CORIN: variants seen among roughly 807,000 people sequenced by gnomAD.
The protein encoded by CORIN is corin, serine peptidase.
Under a neutral mutation model 125.3 loss-of-function variants are expected in CORIN, and 117 were observed. That is an observed-to-expected ratio of 0.93 (90% CI 0.80 to 1.09). The LOEUF is 1.09. Ranked by LOEUF, CORIN falls within the 50% of genes least tolerant of loss-of-function variation. The pLI is 0.00. For missense variants in CORIN, 1,253 were observed against 1,306.7 expected (o/e 0.96, Z 0.63); for synonymous variants, 450 against 466.4 (o/e 0.96, Z 0.45).
rs1722424040 is a variant in CORIN at position 47,623,568 on chromosome 4, T to TA, written c.2540+2dup. The TA allele has an allele frequency of 2.5e-6, 4 of 1,613,634 alleles. No individual in the cohort carries two copies. Among genetic ancestry groups the TA allele is most frequent in the Non-Finnish European group, 2.5e-6 (3 of 1,179,804 alleles). ...AAAGGAAAAAAGGAAAGGTGCAGCTTACCCCTCGAAGCAGTGGGCAACTGT... is the reference window on the plus strand; with the variant it reads ...AAAGGAAAAAAGGAAAGGTGCAGCTTAACCCCTCGAAGCAGTGGGCAACTGT... On this transcript the variant is annotated splice_region_variant and intron_variant, in intron 19 of 21. Coordinates refer to ENST00000273857, the MANE Select transcript of CORIN (RefSeq NM_006587.4).
intron 3 of CORIN, 87 bp downstream of exon 3, chr4:47,786,638 T>C (rs1260415453): frequency 1.0e-6 from 1 of 975,408 alleles, no homozygotes; most frequent in South Asian, 1.5e-5. Context: ...CGGCAAGTGA[T>C]TGTGAACTAA....
chr4:47,683,506 C>A, intron 7 of CORIN: 2 of 406,176 alleles, frequency 4.9e-6, no homozygotes, highest in Admixed American at 4.2e-5. Context: ...TCTTCCCATC[C>A]CACTTCTTAA....
At chr4:47,674,283 A>G in intron 10 of CORIN, 110 bp downstream of exon 10, 1 of 762,134 alleles carries the variant, frequency 1.3e-6, no homozygotes, top group African/African-American at 1.7e-5. Flanking sequence ...GAAAATAGGT[A>G]GGCTTTTTTG....
intron 5 of CORIN, among the ~76,000 whole-genome samples, chr4:47,738,067 A>C (rs542548645): frequency 6.6e-6 from 1 of 152,300 alleles, no homozygotes; most frequent in East Asian, 1.9e-4. Context: ...GGCAAACAAG[A>C]AGCTAACCAG....
chr4:47,666,841 A>C (rs1249906404), intron 10 of CORIN, among the ~76,000 whole-genome samples: 1 of 152,206 alleles, frequency 6.6e-6, no homozygotes, highest in Non-Finnish European at 1.5e-5. Context: ...TTGTCATTTA[A>C]GCCACCCAAT....
intron 4 of CORIN, among the ~76,000 whole-genome samples, chr4:47,749,555 G>A (rs11732498): frequency 0.26 from 40,171 of 152,070 alleles, 5,990 homozygotes; most frequent in Non-Finnish European, 0.35. Flanking sequence ...ATTCACCTAT[G>A]TGACAGACCC....
At chr4:47,815,921 G>A (rs936730393) in intron 1 of CORIN, among the ~76,000 whole-genome samples, 3 of 152,096 alleles carry the variant, frequency 2.0e-5, no homozygotes, top group South Asian at 2.1e-4. Context: ...TTCATTTAGC[G>A]CTAAGGAGGC....
chr4:47,665,786 C>T (rs187089116), intron 10 of CORIN, among the ~76,000 whole-genome samples: 32 of 152,308 alleles, frequency 2.1e-4, no homozygotes, highest in African/African-American at 7.7e-4. Context: ...TTGAATACTT[C>T]TCACTAATAA....
chr4:47,688,024 G>T (rs1725595520), intron 6 of CORIN, among the ~76,000 whole-genome samples: 1 of 152,110 alleles, frequency 6.6e-6, no homozygotes, highest in African/African-American at 2.4e-5. Flanking sequence ...GATGCCAGTA[G>T]CACCTCCCTC....
At chr4:47,666,240 T>C (rs905817153) in intron 10 of CORIN, among the ~76,000 whole-genome samples, 8 of 152,220 alleles carry the variant, frequency 5.3e-5, no homozygotes, top group African/African-American at 1.7e-4. Flanking sequence ...ACCCACCATA[T>C]GTTCATTGCA....
chr4:47,606,560 A>T (rs1721650999), intron 19 of CORIN, among the ~76,000 whole-genome samples: 1 of 152,042 alleles, frequency 6.6e-6, no homozygotes, highest in African/African-American at 2.4e-5. Context: ...AGCCCAGAAG[A>T]ATTATTTTTC....
chr4:47,652,201 T>A (rs1485245795), intron 13 of CORIN, among the ~76,000 whole-genome samples: 1 of 152,286 alleles, frequency 6.6e-6, no homozygotes, highest in Middle Eastern at 3.4e-3. Context: ...ACACTGTACA[T>A]TCCTCCATAA....
At chr4:47,775,909 T>C (rs1241355430) in intron 3 of CORIN, among the ~76,000 whole-genome samples, 1 of 152,202 alleles carries the variant, frequency 6.6e-6, no homozygotes, top group African/African-American at 2.4e-5. Context: ...TGGGGTTTTT[T>C]TGAGTCAAGG....
chr4:47,722,002 C>T (rs767134888), intron 5 of CORIN, among the ~76,000 whole-genome samples: 2 of 152,192 alleles, frequency 1.3e-5, no homozygotes, highest in Non-Finnish European at 2.9e-5. Context: ...CCACAGACCC[C>T]ACCAGCTTCT....
intron 4 of CORIN, among the ~76,000 whole-genome samples, chr4:47,758,317 T>G (rs9884794): frequency 0.055 from 8,359 of 152,018 alleles, 716 homozygotes; most frequent in African/African-American, 0.19. Flanking sequence ...CTATAAACAT[T>G]GAAAAAAATT....
chr4:47,782,057 A>C (rs1730572384), intron 3 of CORIN, among the ~76,000 whole-genome samples: 1 of 152,178 alleles, frequency 6.6e-6, no homozygotes, highest in Admixed American at 6.5e-5. Context: ...ACCTAATGAC[A>C]GACCGTCAAA....
Position 47,837,907 on chromosome 4 carries a change from T to C in CORIN, c.43A>G (p.Arg15Gly), listed in dbSNP as rs867136691. 1 of 1,613,762 alleles carries C rather than the reference T, an allele frequency of 6.2e-7. No homozygotes were observed. Among genetic ancestry groups the C allele is most frequent in the Non-Finnish European group, 8.5e-7 (1 of 1,179,992 alleles). Residue 15 changes from arginine to glycine, a missense_variant, in exon 1 of 22, where the codon AGA (arginine) becomes GGA (glycine). Coordinates refer to ENST00000273857, the MANE Select transcript of CORIN (RefSeq NM_006587.4). Reference protein sequence around the residue: ...PALAPEERCRRAGSPKPVLRA... With the variant: ...PALAPEERCRGAGSPKPVLRA... ...CTTACCGGCTTTGGGGACCCGGCTC[T>C]GCGGCAGCGCTCTTCCGGAGCGAGG...
chr4:47,762,934 C>A (rs564166783), intron 4 of CORIN, among the ~76,000 whole-genome samples: 45 of 152,280 alleles, frequency 3.0e-4, no homozygotes, highest in Non-Finnish European at 5.7e-4. Flanking sequence ...ATACAACTCT[C>A]TCTAACTCTC....
chr4:47,823,974 T>C (rs1732630810), intron 1 of CORIN, among the ~76,000 whole-genome samples: 1 of 152,214 alleles, frequency 6.6e-6, no homozygotes, highest in Non-Finnish European at 1.5e-5. Flanking sequence ...TTGATGTGGC[T>C]GACGTGCTGC....
Sources: gnomAD v4.1 joint callset for allele counts (sites outside exome capture counted in the v4.1 genomes callset) on GRCh38, gnomAD v4.1.1 for gene constraint, MANE v1.5 for transcripts, NCBI Gene and HGNC (gene_info 2026-07-23, HGNC 2026-07-21) for gene names.